Variants in DNAJC27 observed in about 807,000 individuals in gnomAD.
DNAJC27 encodes the protein DnaJ heat shock protein family (Hsp40) member C27, also known as dnaJ homolog subfamily C member 27.
In DNAJC27, 25 loss-of-function variants were observed where a neutral mutation model predicts 31.4. The ratio of observed to expected loss-of-function variants is 0.80; its 90% CI spans 0.58 to 1.11. The LOEUF (loss-of-function observed/expected upper bound fraction) is 1.11. DNAJC27 is among the 50% of genes most tolerant of loss of function. The pLI is 0.00. For synonymous variants in DNAJC27, 106 were observed against 112.7 expected, an observed-to-expected ratio of 0.94 and a Z score of 0.37; for missense variants, 356 against 347.3, an observed-to-expected ratio of 1.02 and a Z score of -0.20.
chr2:24,952,385 T>C (rs2149122193), intron 5 of DNAJC27, among the ~76,000 whole-genome samples: 1 of 152,336 alleles, frequency 6.6e-6, no homozygotes, highest in East Asian at 1.9e-4. Context: ...TTCCACATAA[T>C]GCATCCTGGA....
chr2:24,961,585 G>C (rs1263124222), intron 3 of DNAJC27, among the ~76,000 whole-genome samples: 9 of 151,880 alleles, frequency 5.9e-5, no homozygotes, highest in Non-Finnish European at 1.3e-4. Flanking sequence ...TCGTGATTCA[G>C]GGGAGAGGTC....
Position 24,947,505 on chromosome 2 carries a change from G to T in DNAJC27, c.*111C>A. Reference sequence around the variant, plus strand: ...TACTGATATACAAATGACAACACATGAATGAAAAGAGCAGTGAGATTCTGG... The same window carrying T: ...TACTGATATACAAATGACAACACATTAATGAAAAGAGCAGTGAGATTCTGG... On this transcript the variant is annotated 3_prime_UTR_variant, in exon 7 of 7. Transcript: ENST00000264711. 7.7e-7 allele frequency: 1 copy of T among 1,302,144 alleles called. No homozygotes were observed. Among genetic ancestry groups the T allele is most frequent in the Non-Finnish European group, 1.1e-6 (1 of 945,158 alleles). 80.7% of individuals were successfully genotyped at this position (1,302,144 alleles called of 1,614,324 possible).
chr2:24,957,169 A>T lies in DNAJC27; in HGVS notation c.406-4T>A, dbSNP rs1400922044. On this transcript the variant is annotated splice_polypyrimidine_tract_variant and splice_region_variant and intron_variant, in intron 4 of 6. Coordinates refer to ENST00000264711, the MANE Select transcript of DNAJC27 (RefSeq NM_016544.3). ...AGCGATGTTTGGTACAATCAATCTG[A>T]AATAGAAGGGGCGGGGGACAGAGAG... The T allele has an allele frequency of 1.3e-6, 2 of 1,591,298 alleles. No individual in the cohort carries two copies. Among genetic ancestry groups the T allele is most frequent in the Admixed American group, 1.9e-5 (1 of 53,336 alleles).
chr2:24,955,884 C>A (rs1665892843), intron 5 of DNAJC27, among the ~76,000 whole-genome samples: 1 of 152,144 alleles, frequency 6.6e-6, no homozygotes, highest in Admixed American at 6.5e-5. Context: ...CAATACTTGC[C>A]ACACATTGTT....
At position 24,944,114 on chromosome 2, in the gene DNAJC27, A is replaced by G. The variant is rs1014593908; in HGVS notation, c.*3502T>C. The G allele has an allele frequency of 1.3e-5, 2 of 152,244 alleles. No individual in the cohort carries two copies. The allele number at this position is 152,244 out of a possible 1,614,324, so 9.4% of individuals were successfully genotyped here. A position where few individuals can be genotyped will look rare whatever the true frequency, so the allele number is the denominator to read the frequency against. Reference sequence around the variant, plus strand: ...AGCTTGCAATGGAAAGTGGTTAGCTATATTTTGCAGCTAAGTTCATTTTCA... The same window carrying G: ...AGCTTGCAATGGAAAGTGGTTAGCTGTATTTTGCAGCTAAGTTCATTTTCA... On this transcript the variant is annotated 3_prime_UTR_variant, in exon 7 of 7. Coordinates refer to ENST00000264711, the MANE Select transcript of DNAJC27 (RefSeq NM_016544.3).
In DNAJC27 at chr2:24,944,067, C is replaced by T. The variant is rs1289213700; in HGVS notation, c.*3549G>A. 4 of 152,220 alleles carry T rather than the reference C, an allele frequency of 2.6e-5. No homozygotes were observed. Among genetic ancestry groups the T allele is most frequent in the East Asian group, 3.8e-4 (2 of 5,204 alleles). The allele number at this position is 152,220 out of a possible 1,614,324, so 9.4% of individuals were successfully genotyped here. ...TGCTAAATACCAATTATGAGAAGTACGAACCTCTCTTCACTTTGCAAAGCT... is the reference window on the plus strand; with the variant it reads ...TGCTAAATACCAATTATGAGAAGTATGAACCTCTCTTCACTTTGCAAAGCT... On this transcript the variant is annotated 3_prime_UTR_variant, in exon 7 of 7. Transcript: ENST00000264711.
At chr2:24,947,932 C>T (rs1055141548) in intron 6 of DNAJC27, among the ~76,000 whole-genome samples, 184 bp from the exon 7 acceptor site, 1 of 152,110 alleles carries the variant, frequency 6.6e-6, no homozygotes, top group African/African-American at 2.4e-5. Context: ...TAATATATAA[C>T]ACAAATTGAA....
chr2:24,963,556 G>C, intron 2 of DNAJC27, 82 bp from the exon 3 acceptor site: 1 of 1,183,852 alleles, frequency 8.4e-7, no homozygotes. Context: ...ATTTCAAAAG[G>C]ATATGTGTAT....
At position 24,957,805 on chromosome 2, in the gene DNAJC27, GT is replaced by G; in HGVS notation, c.405+4del. The G allele has an allele frequency of 6.2e-7, 1 of 1,613,538 alleles. No individual in the cohort carries two copies. Among genetic ancestry groups the G allele is most frequent in the East Asian group, 2.2e-5 (1 of 44,876 alleles). On this transcript the variant is annotated splice_donor_region_variant and intron_variant, in intron 4 of 6. Transcript: ENST00000264711. ...ATCTGAACACACCATTTCCAGAGGG[GT>G]TACCTTGTTGGCACAAACTACAAAT...
chr2:24,947,810 C>T, intron 6 of DNAJC27, 62 bp from the exon 7 acceptor site: 3 of 1,555,860 alleles, frequency 1.9e-6, no homozygotes, highest in South Asian at 2.4e-5. Flanking sequence ...TGCATGTTAG[C>T]TGTTTGGACA....
chr2:24,954,002 GGT>G (rs1665844261), intron 5 of DNAJC27, among the ~76,000 whole-genome samples: 1 of 152,160 alleles, frequency 6.6e-6, no homozygotes, highest in African/African-American at 2.4e-5. Context: ...CCAATCACCT[GGT>G]TGTCTGCTTG....
rs1665649605 is a variant in DNAJC27, at chr2:24,946,256, A to T, written c.*1360T>A. ...TCAGAAATTTGGAGCCCAAGCAGGAATTACAGAGATTCCTCCCAACAGAGG... is the reference window on the plus strand; with the variant it reads ...TCAGAAATTTGGAGCCCAAGCAGGATTTACAGAGATTCCTCCCAACAGAGG... On this transcript the variant is annotated 3_prime_UTR_variant, in exon 7 of 7. Coordinates refer to ENST00000264711, the MANE Select transcript of DNAJC27 (RefSeq NM_016544.3). The T allele has an allele frequency of 6.6e-6, 1 of 152,198 alleles. No homozygotes were observed. Among genetic ancestry groups the T allele is most frequent in the South Asian group, 2.1e-4 (1 of 4,838 alleles). The allele number at this position is 152,198 out of a possible 1,614,324, so 9.4% of individuals were successfully genotyped here. A position where few individuals can be genotyped will look rare whatever the true frequency, so the allele number is the denominator to read the frequency against.
At chr2:24,962,043 T>A (rs932060854) in intron 3 of DNAJC27, among the ~76,000 whole-genome samples, 1 of 152,160 alleles carries the variant, frequency 6.6e-6, no homozygotes, top group African/African-American at 2.4e-5. Context: ...TGTGCCAAAC[T>A]TTATTGTTGT....
Position 24,946,496 on chromosome 2 carries a change from A to G in DNAJC27, c.*1120T>C, listed in dbSNP as rs1573105180. 6.6e-6 allele frequency: 1 copy of G among 152,246 alleles called. No homozygotes were observed. The highest frequency in any genetic ancestry group is 2.4e-5 in the African/African-American group (1 of 41,444). 9.4% of individuals were successfully genotyped at this position (152,246 alleles called of 1,614,324 possible). On this transcript the variant is annotated 3_prime_UTR_variant, in exon 7 of 7. Transcript: ENST00000264711. ...AAACAACACTGGTGAGGAAGTGTAG[A>G]AGAGGCCAACTTTGCTGAGGAGTGG...
intron 6 of DNAJC27, among the ~76,000 whole-genome samples, chr2:24,950,925 G>A (rs1298116372): frequency 6.6e-6 from 1 of 151,776 alleles, no homozygotes; most frequent in Non-Finnish European, 1.5e-5. Flanking sequence ...GACAAAGACA[G>A]AGACAGTCAA....
chr2:24,961,012 T>C (rs1666026808), intron 3 of DNAJC27, among the ~76,000 whole-genome samples: 1 of 152,206 alleles, frequency 6.6e-6, no homozygotes, highest in South Asian at 2.1e-4. Context: ...TGGAAGAAGA[T>C]GATATCTAGG....
Position 24,945,728 on chromosome 2 carries a change from C to T in DNAJC27, c.*1888G>A, listed in dbSNP as rs1017446089. 2.6e-5 allele frequency: 4 copies of T among 152,198 alleles called. No individual in the cohort carries two copies. The highest frequency in any genetic ancestry group is 9.7e-5 in the African/African-American group (4 of 41,450). The allele number at this position is 152,198 out of a possible 1,614,324, so 9.4% of individuals were successfully genotyped here. On this transcript the variant is annotated 3_prime_UTR_variant, in exon 7 of 7. Coordinates refer to ENST00000264711, the MANE Select transcript of DNAJC27 (RefSeq NM_016544.3). Reference sequence around the variant, plus strand: ...AAGAAATAACATATATCAATCAGTTCATTTAAAAAGTTGTTTTGATATTAC... The same window carrying T: ...AAGAAATAACATATATCAATCAGTTTATTTAAAAAGTTGTTTTGATATTAC...
chr2:24,954,791 G>C (rs1665866309), intron 5 of DNAJC27, among the ~76,000 whole-genome samples: 1 of 152,110 alleles, frequency 6.6e-6, no homozygotes, highest in Admixed American at 6.5e-5. Flanking sequence ...CAAAAAATTA[G>C]CCGGGCATGG....
At chr2:24,957,286 C>T (rs1394379603) in intron 4 of DNAJC27, 121 bp from the exon 5 acceptor site, 1 of 1,112,814 alleles carries the variant, frequency 9.0e-7, no homozygotes, top group African/African-American at 1.6e-5. Flanking sequence ...AATGCCTGCA[C>T]TAGTGTGTAA....
Sources: allele counts gnomAD v4.1 joint callset (sites outside exome capture counted in the v4.1 genomes callset), GRCh38; gene constraint gnomAD v4.1.1; transcripts MANE v1.5; gene names NCBI Gene and HGNC (gene_info 2026-07-23, HGNC 2026-07-21).